Variants in GASK1B observed in about 807,000 individuals in gnomAD.
GASK1B encodes Golgi-associated kinase 1B.
A neutral mutation model predicts 42.8 loss-of-function variants in GASK1B; 34 were observed. The observed-to-expected ratio is 0.79, with a 90% CI of 0.60 to 1.06. GASK1B has a LOEUF of 1.06. Among genes scored for constraint, GASK1B ranks in the 50% least tolerant of loss-of-function variants. The probability of loss-of-function intolerance (pLI) is 0.00; values close to 1 mark genes in which losing one functional copy is unlikely to be tolerated. For missense variants in GASK1B, 686 were observed against 661.0 expected, an observed-to-expected ratio of 1.04 and a Z score of -0.42; for synonymous variants, 262 against 259.1, an observed-to-expected ratio of 1.01 and a Z score of -0.11.
At chr4:158,152,442 A>G (rs917462572) in intron 3 of GASK1B, among the ~76,000 whole-genome samples, 1 of 152,166 alleles carries the variant, frequency 6.6e-6, no homozygotes, top group African/African-American at 2.4e-5. Flanking sequence ...CAATCCTATG[A>G]CACTATTCCA....
chr4:158,142,239 C>G (rs956312379), intron 3 of GASK1B, among the ~76,000 whole-genome samples: 1 of 152,176 alleles, frequency 6.6e-6, no homozygotes, highest in African/African-American at 2.4e-5. Context: ...CCACCGCGCC[C>G]GGCCGATGTT....
chr4:158,131,048 T>C, intron 3 of GASK1B, 36 bp from the exon 4 acceptor site: 1 of 1,560,126 alleles, frequency 6.4e-7, no homozygotes, highest in Non-Finnish European at 8.8e-7. Flanking sequence ...AGATGCTGAG[T>C]GAAAACAAAA....
intron 2 of GASK1B, among the ~76,000 whole-genome samples, chr4:158,167,696 C>T (rs1454689835): frequency 1.3e-5 from 2 of 152,018 alleles, no homozygotes; most frequent in African/African-American, 4.8e-5. Context: ...TGGGAAGGAA[C>T]AGATGATTAA....
chr4:158,145,490 C>G (rs142542932), intron 3 of GASK1B, among the ~76,000 whole-genome samples: 135 of 152,240 alleles, frequency 8.9e-4, no homozygotes, highest in Middle Eastern at 3.4e-3. Flanking sequence ...TTCTACCACT[C>G]AATGAACTTT....
At chr4:158,141,999 CAGT>C (rs1389089010) in intron 3 of GASK1B, among the ~76,000 whole-genome samples, 3 of 115,340 alleles carry the variant, frequency 2.6e-5, no homozygotes, top group Non-Finnish European at 3.6e-5. Flanking sequence ...CTGCGGACTG[CAGT>C]GGCGCAATCT....
intron 3 of GASK1B, among the ~76,000 whole-genome samples, chr4:158,147,644 A>T (rs942021647): frequency 2.0e-5 from 3 of 151,976 alleles, no homozygotes; most frequent in African/African-American, 7.2e-5. Flanking sequence ...AAATTAAAAA[A>T]AAACTTGTAT....
rs184420135 is a variant in GASK1B at position 158,129,259 on chromosome 4, T to A, written c.1352+1527A>T. Reference sequence around the variant, plus strand: ...AATGTATGAAATGGATGGACTGTATTCTTCAGGCACTCCTAATTCTAAGAG... The same window carrying A: ...AATGTATGAAATGGATGGACTGTATACTTCAGGCACTCCTAATTCTAAGAG... On this transcript the variant is annotated intron_variant, in intron 4 of 4. Transcript: ENST00000585682. Among the ~76,000 whole-genome samples, 9 of 152,338 alleles carry A rather than the reference T, an allele frequency of 5.9e-5. 1 individual carries two copies. The East Asian group carries it at 1.7e-3, about 29-fold the overall frequency.
chr4:158,140,600 C>A (rs1731076776), intron 3 of GASK1B, among the ~76,000 whole-genome samples: 1 of 152,214 alleles, frequency 6.6e-6, no homozygotes. Context: ...TACTCAGAGG[C>A]TCAGTGCTTT....
chr4:158,141,168 A>G (rs1315576939), intron 3 of GASK1B, among the ~76,000 whole-genome samples: 1 of 152,120 alleles, frequency 6.6e-6, no homozygotes, highest in African/African-American at 2.4e-5. Flanking sequence ...AGGTGGAAAG[A>G]ATGTATTAAG....
intron 3 of GASK1B, among the ~76,000 whole-genome samples, chr4:158,143,147 C>T (rs999216847): frequency 1.3e-5 from 2 of 152,078 alleles, no homozygotes; most frequent in African/African-American, 2.4e-5. Context: ...GAAATATTTA[C>T]AGATGAAATA....
At position 158,124,491 on chromosome 4, in the gene GASK1B, T is replaced by G. The variant is rs981940012; in HGVS notation, c.*2916A>C. The G allele has an allele frequency of 6.6e-6, 1 of 152,214 alleles. No homozygotes were observed. The highest frequency in any genetic ancestry group is 2.4e-5 in the African/African-American group (1 of 41,464). 9.4% of individuals were successfully genotyped at this position (152,214 alleles called of 1,614,324 possible). A position where few individuals can be genotyped will look rare whatever the true frequency, so the allele number is the denominator to read the frequency against. The stretch of plus-strand genomic sequence containing the variant: ...GTCTTTATCATCTTTATTTGACCCA[T>G]GTTCAATTTCCATATAATTTTCAGA... On this transcript the variant is annotated 3_prime_UTR_variant, in exon 5 of 5. Transcript: ENST00000585682.
chr4:158,132,181 T>TC (rs1225218323), intron 3 of GASK1B, among the ~76,000 whole-genome samples: 1 of 151,990 alleles, frequency 6.6e-6, no homozygotes, highest in Admixed American at 6.6e-5. Flanking sequence ...TTCCACGATT[T>TC]TTTTCCCCAG....
At position 158,141,506 on chromosome 4, in the gene GASK1B, A is replaced by G. The variant is rs115719286; in HGVS notation, c.1126-10494T>C. Among the ~76,000 whole-genome samples, 458 of 151,580 alleles carry G rather than the reference A, an allele frequency of 3.0e-3. 2 individuals are homozygous for G. Among genetic ancestry groups the G allele is most frequent in the African/African-American group, 0.011 (443 of 41,426 alleles). On this transcript the variant is annotated intron_variant, in intron 3 of 4. Coordinates refer to ENST00000585682, the MANE Select transcript of GASK1B (RefSeq NM_001128424.2). Reference sequence around the variant, plus strand: ...AAAAATGCTTAAATTATGTGAAGTTAGAGAATGTGGTCTTAAAAGTCAAGT... The same window carrying G: ...AAAAATGCTTAAATTATGTGAAGTTGGAGAATGTGGTCTTAAAAGTCAAGT...
intron 3 of GASK1B, among the ~76,000 whole-genome samples, chr4:158,152,753 A>G (rs192216938): frequency 9.5e-4 from 144 of 152,324 alleles, no homozygotes; most frequent in African/African-American, 3.3e-3. Context: ...CAAAAACCAC[A>G]TGATTATCTC....
chr4:158,147,416 C>T (rs1264214565), intron 3 of GASK1B, among the ~76,000 whole-genome samples: 1 of 151,870 alleles, frequency 6.6e-6, no homozygotes, highest in Non-Finnish European at 1.5e-5. Context: ...CCAGCCTGGG[C>T]CACATAGTGA....
Position 158,170,962 on chromosome 4 carries a change from A to T in GASK1B, c.414T>A (p.Ala138=). 6.2e-7 allele frequency: 1 copy of T among 1,614,226 alleles called. No homozygotes were observed. Among genetic ancestry groups the T allele is most frequent in the South Asian group, 1.1e-5 (1 of 91,080 alleles). ...KRRKKHAVAS[A]APGQEALVGP... is the part of the protein sequence containing the mutation. ...CGACCAAAGCCTCCTGCCCTGGGGC[A>T]GCCGATGCCACTGCATGCTTTTTCC... The change falls in exon 2 of 5, where the codon GCT becomes GCA. Residue 138 remains alanine, a synonymous_variant. Coordinates refer to ENST00000585682, the MANE Select transcript of GASK1B (RefSeq NM_001128424.2).
At chr4:158,163,697 C>A (rs1027846009) in intron 2 of GASK1B, among the ~76,000 whole-genome samples, 1 of 152,000 alleles carries the variant, frequency 6.6e-6, no homozygotes, top group Non-Finnish European at 1.5e-5. Flanking sequence ...TTGTCATTAT[C>A]CCTATTATGC....
At chr4:158,155,441 C>G in intron 3 of GASK1B, among the ~76,000 whole-genome samples, 170 bp downstream of exon 3, 1 of 152,120 alleles carries the variant, frequency 6.6e-6, no homozygotes, top group East Asian at 1.9e-4. Context: ...ACCTGGAGGC[C>G]TCATCTACAT....
intron 3 of GASK1B, among the ~76,000 whole-genome samples, chr4:158,149,682 G>T (rs1731471517): frequency 6.6e-6 from 1 of 151,952 alleles, no homozygotes; most frequent in Non-Finnish European, 1.5e-5. Context: ...TTCACTCTAG[G>T]TACTTTCATT....
Sources: allele counts gnomAD v4.1 joint callset (sites outside exome capture counted in the v4.1 genomes callset), GRCh38; gene constraint gnomAD v4.1.1; transcripts MANE v1.5; gene names NCBI Gene and HGNC (gene_info 2026-07-23, HGNC 2026-07-21).